Variants in CENPU observed in about 807,000 individuals in gnomAD.
The protein encoded by CENPU is KSHV latent nuclear antigen interacting protein 1.
In CENPU, 46 loss-of-function variants were observed where a neutral mutation model predicts 56.7. The ratio of observed to expected loss-of-function variants is 0.81; its 90% CI spans 0.64 to 1.04. The LOEUF is 1.04. Among genes scored for constraint, CENPU ranks in the 50% least tolerant of loss-of-function variants. The pLI, the probability that CENPU is intolerant of heterozygous loss-of-function variation, is 0.00. For missense variants in CENPU, 510 were observed against 490.1 expected (o/e 1.04, Z -0.38); for synonymous variants, 166 against 163.0 (o/e 1.02, Z -0.14).
At position 184,694,448 on chromosome 4, in the gene CENPU, T is replaced by G. The variant is rs1202476871; in HGVS notation, c.*840A>C. 3 of 1,531,084 alleles carry G rather than the reference T, an allele frequency of 2.0e-6. No individual in the cohort carries two copies. The East Asian group carries it at 7.0e-5, about 36-fold the overall frequency. 94.8% of individuals were successfully genotyped at this position (1,531,084 alleles called of 1,614,324 possible). A position where few individuals can be genotyped will look rare whatever the true frequency, so the allele number is the denominator to read the frequency against. On this transcript the variant is annotated 3_prime_UTR_variant, in exon 13 of 13. Transcript: ENST00000281453. ...CTTAATACCTTACTTCAACATAGAGTATAAGGTTAAATCACATATCCTGAG... is the reference window on the plus strand; with the variant it reads ...CTTAATACCTTACTTCAACATAGAGGATAAGGTTAAATCACATATCCTGAG...
chr4:184,708,116 T>C (rs1760787196), intron 8 of CENPU, among the ~76,000 whole-genome samples: 1 of 150,364 alleles, frequency 6.7e-6, no homozygotes, highest in African/African-American at 2.5e-5. Context: ...CCCAGCTATT[T>C]GGGAGGCTGA....
At chr4:184,721,714 A>G (rs1761284720) in intron 4 of CENPU, among the ~76,000 whole-genome samples, 1 of 152,208 alleles carries the variant, frequency 6.6e-6, no homozygotes, top group Non-Finnish European at 1.5e-5. Context: ...ACAATTTGAA[A>G]CATACATGCA....
rs763714497 is a variant in CENPU at position 184,694,683 on chromosome 4, T to G, written c.*605A>C. 6.2e-7 allele frequency: 1 copy of G among 1,614,132 alleles called. No homozygotes were observed. The highest frequency in any genetic ancestry group is 2.2e-5 in the East Asian group (1 of 44,888). On this transcript the variant is annotated 3_prime_UTR_variant, in exon 13 of 13. Transcript: ENST00000281453. ...ATTTTTTAGAAGCTACTGAAGATGC[T>G]GAATTAGCTGAAGCTGCAGAGAACA...
In CENPU at chr4:184,695,220, G is replaced by T; in HGVS notation, c.*68C>A. On this transcript the variant is annotated 3_prime_UTR_variant, in exon 13 of 13. Transcript: ENST00000281453. Reference sequence around the variant, plus strand: ...TTTGCAAAACAATTGATTTATAAAGGTACAGTTTCAGAAGGTAACAGCATG... The same window carrying T: ...TTTGCAAAACAATTGATTTATAAAGTTACAGTTTCAGAAGGTAACAGCATG... The T allele has an allele frequency of 9.8e-7, 1 of 1,022,292 alleles. No individual in the cohort carries two copies. The highest frequency in any genetic ancestry group is 1.5e-6 in the Non-Finnish European group (1 of 653,420). 63.3% of individuals were successfully genotyped at this position (1,022,292 alleles called of 1,614,324 possible). A position where few individuals can be genotyped will look rare whatever the true frequency, so the allele number is the denominator to read the frequency against.
chr4:184,699,822 G>A (rs1256441368), intron 11 of CENPU, among the ~76,000 whole-genome samples: 3 of 151,984 alleles, frequency 2.0e-5, no homozygotes, highest in Admixed American at 6.6e-5. Flanking sequence ...CACCACACCC[G>A]GCTAATTTTT....
intron 4 of CENPU, among the ~76,000 whole-genome samples, chr4:184,718,491 T>C (rs1761167809): frequency 6.6e-6 from 1 of 151,660 alleles, no homozygotes. Flanking sequence ...TACCAGGAGG[T>C]GGACGTAGGA....
At chr4:184,701,821 A>G (rs1760543717) in intron 10 of CENPU, among the ~76,000 whole-genome samples, 2 of 152,224 alleles carry the variant, frequency 1.3e-5, no homozygotes, top group South Asian at 2.1e-4. Flanking sequence ...TGACATTAAT[A>G]AAAGGCTTAA....
At position 184,700,892 on chromosome 4, in the gene CENPU, C is replaced by T. The variant is rs11728389; in HGVS notation, c.925-11G>A. On this transcript the variant is annotated splice_polypyrimidine_tract_variant and intron_variant, in intron 10 of 12. Transcript: ENST00000281453. Reference sequence around the variant, plus strand: ...GATATCTGAAATCATCTAAGTAACACAATCATTTGTGTTAAAATTAATTTG... The same window carrying T: ...GATATCTGAAATCATCTAAGTAACATAATCATTTGTGTTAAAATTAATTTG... 0.64 allele frequency: 1,024,821 copies of T among 1,599,120 alleles called. 339,160 individuals are homozygous for T. The highest frequency in any genetic ancestry group is 0.69 in the Non-Finnish European group (802,211 of 1,166,624).
chr4:184,721,456 G>GT (rs1561141774), intron 4 of CENPU, among the ~76,000 whole-genome samples: 1 of 5,298 alleles, frequency 1.9e-4, no homozygotes. Context: ...GTGGCTGATT[G>GT]TAAAAAAAAA....
chr4:184,701,375 G>A (rs1760530440), intron 10 of CENPU, among the ~76,000 whole-genome samples: 1 of 152,144 alleles, frequency 6.6e-6, no homozygotes, highest in Non-Finnish European at 1.5e-5. Context: ...ACCAATAAGA[G>A]ATTAAAACTG....
intron 8 of CENPU, among the ~76,000 whole-genome samples, chr4:184,706,209 A>G (rs964224874): frequency 3.3e-4 from 50 of 152,236 alleles, no homozygotes; most frequent in Admixed American, 1.3e-4. Flanking sequence ...ATGTTAAAAT[A>G]TTTTTAAAAT....
chr4:184,697,265 G>C (rs1760371396), intron 12 of CENPU, among the ~76,000 whole-genome samples: 3 of 152,096 alleles, frequency 2.0e-5, no homozygotes, highest in African/African-American at 7.2e-5. Context: ...CGTGAACATG[G>C]GCTAGACCAA....
intron 8 of CENPU, among the ~76,000 whole-genome samples, chr4:184,703,563 T>C (rs780607320): frequency 3.3e-5 from 5 of 152,104 alleles, no homozygotes; most frequent in Non-Finnish European, 5.9e-5. Context: ...TAAAATGATA[T>C]AGTCACTGTG....
rs1759921812 is a variant in CENPU, at chr4:184,694,277, T to C, written c.*1011A>G. On this transcript the variant is annotated 3_prime_UTR_variant, in exon 13 of 13. Coordinates refer to ENST00000281453, the MANE Select transcript of CENPU (RefSeq NM_024629.4). The stretch of plus-strand genomic sequence containing the variant: ...TTCCGTCGGGGAGTATTGAAAAGTA[T>C]GTGCACAGAACTGTAGGTAATTTCA... 7.2e-6 allele frequency: 9 copies of C among 1,241,400 alleles called. No homozygotes were observed. The highest frequency in any genetic ancestry group is 9.1e-6 in the Non-Finnish European group (9 of 987,118). The allele number at this position is 1,241,400 out of a possible 1,614,324, so 76.9% of individuals were successfully genotyped here.
At chr4:184,698,887 C>T (rs529105524) in intron 11 of CENPU, among the ~76,000 whole-genome samples, 5 of 151,964 alleles carry the variant, frequency 3.3e-5, no homozygotes, top group African/African-American at 1.2e-4. Context: ...AGGGCTGCAC[C>T]GTAGGCAAGT....
chr4:184,732,919 T>C (rs72707711), intron 1 of CENPU, among the ~76,000 whole-genome samples: 7,135 of 151,024 alleles, frequency 0.047, 222 homozygotes, highest in Middle Eastern at 0.075. Context: ...GGAAAATCGC[T>C]TGAACCTGGG....
chr4:184,712,546 AAC>A (rs917814182), intron 7 of CENPU, among the ~76,000 whole-genome samples: 2 of 152,228 alleles, frequency 1.3e-5, no homozygotes, highest in African/African-American at 2.4e-5. Flanking sequence ...AAAAACTGTA[AAC>A]ACACACTGAA....
intron 11 of CENPU, among the ~76,000 whole-genome samples, chr4:184,699,950 C>A (rs1418393154): frequency 1.3e-5 from 2 of 152,250 alleles, no homozygotes; most frequent in Non-Finnish European, 2.9e-5. Context: ...AGCCACCGTG[C>A]CCGGCCTAGC....
chr4:184,708,984 T>TA (rs958640016), intron 8 of CENPU, among the ~76,000 whole-genome samples: 7 of 151,726 alleles, frequency 4.6e-5, no homozygotes, highest in African/African-American at 1.7e-4. Flanking sequence ...TTTTTTAAGT[T>TA]AAAAAAAATT....
Sources: gnomAD v4.1 joint callset for allele counts (sites outside exome capture counted in the v4.1 genomes callset) on GRCh38, gnomAD v4.1.1 for gene constraint, MANE v1.5 for transcripts, NCBI Gene and HGNC (gene_info 2026-07-23, HGNC 2026-07-21) for gene names.